UBE2E1: variants seen among roughly 807,000 people sequenced by gnomAD.
UBE2E1 encodes ubiquitin-conjugating enzyme E2 E1.
Under a neutral mutation model 21.4 loss-of-function variants are expected in UBE2E1, and 6 were observed. That is an observed-to-expected ratio of 0.28 (90% confidence interval 0.15 to 0.55). The LOEUF (loss-of-function observed/expected upper bound fraction) is 0.55. UBE2E1 is among the 20% of genes least tolerant of loss of function. The pLI is 0.93. For missense variants in UBE2E1, 142 were observed against 236.5 expected (o/e 0.60, Z 2.62); for synonymous variants, 87 against 82.7 (o/e 1.05, Z -0.28).
chr3:23,885,432 T>C (rs1319735713), intron 3 of UBE2E1, among the ~76,000 whole-genome samples: 3 of 152,214 alleles, frequency 2.0e-5, no homozygotes, highest in Admixed American at 2.0e-4. Context: ...AGTTTCTGCC[T>C]GTTTCCAGAG....
At chr3:23,845,855 T>C (rs1173304232) in intron 3 of UBE2E1, among the ~76,000 whole-genome samples, 1 of 152,234 alleles carries the variant, frequency 6.6e-6, no homozygotes, top group East Asian at 1.9e-4. Flanking sequence ...GATTTCAATT[T>C]AATAATTCAA....
At chr3:23,880,490 C>T (rs1701012997) in intron 3 of UBE2E1, among the ~76,000 whole-genome samples, 1 of 152,156 alleles carries the variant, frequency 6.6e-6, no homozygotes, top group Admixed American at 6.6e-5. Context: ...TCACTTGAGC[C>T]CAGGAAGTCA....
rs72627038 is a variant in UBE2E1, at chr3:23,861,992, A to G, written c.204-25575A>G. 3.6e-3 allele frequency among the ~76,000 whole-genome samples: 547 copies of G among 152,350 alleles called. 16 individuals are homozygous for G. In the East Asian group the frequency reaches 0.049, roughly 14 times the overall value. ...GAAGCCGCCTATGGACGGCTAAACT[A>G]AAAGAGCATCCTGTAACATATGCCC... On this transcript the variant is annotated intron_variant, in intron 3 of 5. Transcript: ENST00000306627.
intron 3 of UBE2E1, among the ~76,000 whole-genome samples, chr3:23,835,822 A>T (rs927826499): frequency 1.3e-5 from 2 of 152,236 alleles, no homozygotes; most frequent in South Asian, 4.1e-4. Flanking sequence ...TTGAGACTGC[A>T]TTAAATTTCT....
chr3:23,815,180 A>G (rs1046377811), intron 3 of UBE2E1, among the ~76,000 whole-genome samples: 1 of 151,914 alleles, frequency 6.6e-6, no homozygotes, highest in Non-Finnish European at 1.5e-5. Flanking sequence ...ACCAGGTTTT[A>G]CCTATTGGCC....
Position 23,863,069 on chromosome 3 carries a change from AAAC to A in UBE2E1, c.204-24497_204-24495del, listed in dbSNP as rs1225138014. Reference sequence around the variant, plus strand: ...CTTTGTTTGTTAAAAAAAAAAAAAAAAACTATTCCCAGCATTTTGCTCTCTAGT... The same window carrying A: ...CTTTGTTTGTTAAAAAAAAAAAAAAATATTCCCAGCATTTTGCTCTCTAGT... On this transcript the variant is annotated intron_variant, in intron 3 of 5. Coordinates refer to ENST00000306627, the MANE Select transcript of UBE2E1 (RefSeq NM_003341.5). This position sits in a 1 kb window ranked among gnomAD's most constrained non-coding sequence, Gnocchi z 4.3. 6.9e-6 allele frequency among the ~76,000 whole-genome samples: 1 copy of A among 144,192 alleles called. No homozygotes were observed. The highest frequency in any genetic ancestry group is 2.7e-5 in the African/African-American group (1 of 37,646). 94.6% of individuals were successfully genotyped at this position (144,192 alleles called of 152,430 possible). A position where few individuals can be genotyped will look rare whatever the true frequency, so the allele number is the denominator to read the frequency against.
intron 3 of UBE2E1, among the ~76,000 whole-genome samples, chr3:23,874,097 T>C (rs908022004): frequency 6.6e-6 from 1 of 152,088 alleles, no homozygotes; most frequent in Non-Finnish European, 1.5e-5. Flanking sequence ...CACCTGGAGT[T>C]TGAGATTGGC....
chr3:23,826,747 A>G (rs899858826), intron 3 of UBE2E1, among the ~76,000 whole-genome samples: 1 of 152,162 alleles, frequency 6.6e-6, no homozygotes, highest in Non-Finnish European at 1.5e-5. Flanking sequence ...GATAGCTGAA[A>G]TATTTGTTCT....
chr3:23,886,906 C>G (rs1056865746), intron 3 of UBE2E1, among the ~76,000 whole-genome samples: 5 of 152,130 alleles, frequency 3.3e-5, no homozygotes, highest in Non-Finnish European at 7.4e-5. Context: ...TTATGGTGTA[C>G]CCAAGTGTAT....
intron 3 of UBE2E1, among the ~76,000 whole-genome samples, chr3:23,872,608 T>C (rs143820775): frequency 1.7e-3 from 254 of 151,990 alleles, no homozygotes; most frequent in African/African-American, 5.7e-3. Flanking sequence ...TTAACAGTTA[T>C]GGATTTTTAC....
chr3:23,837,854 A>G (rs1700003955), intron 3 of UBE2E1, among the ~76,000 whole-genome samples: 1 of 152,200 alleles, frequency 6.6e-6, no homozygotes, highest in African/African-American at 2.4e-5. Context: ...TAGACAGGTA[A>G]TATGGAGAAC....
chr3:23,847,746 C>G (rs1387640881), intron 3 of UBE2E1, among the ~76,000 whole-genome samples: 1 of 152,004 alleles, frequency 6.6e-6, no homozygotes, highest in Admixed American at 6.6e-5. Context: ...CCACCCACCT[C>G]GGCCTCCCAA....
At chr3:23,832,604 C>T (rs1054459610) in intron 3 of UBE2E1, among the ~76,000 whole-genome samples, 1 of 152,076 alleles carries the variant, frequency 6.6e-6, no homozygotes, top group Non-Finnish European at 1.5e-5. Context: ...GAGAGAGAAT[C>T]GCTTGAACTC....
intron 5 of UBE2E1, 79 bp from the exon 6 acceptor site, chr3:23,890,430 T>C (rs1701372748): frequency 3.6e-6 from 5 of 1,378,234 alleles, no homozygotes; most frequent in Non-Finnish European, 5.0e-6. Flanking sequence ...CGTACGTATC[T>C]ACCCAAGCTG....
chr3:23,828,805 C>T (rs1352869557), intron 3 of UBE2E1, among the ~76,000 whole-genome samples: 4 of 152,212 alleles, frequency 2.6e-5, no homozygotes, highest in African/African-American at 9.6e-5. Flanking sequence ...AGTTCAATTT[C>T]ATCTAAACCT....
intron 3 of UBE2E1, among the ~76,000 whole-genome samples, chr3:23,820,305 C>G (rs1221407148): frequency 1.3e-5 from 2 of 152,196 alleles, no homozygotes; most frequent in Non-Finnish European, 2.9e-5. Flanking sequence ...AAAAGCTCAT[C>G]AAAGTCCCTG....
chr3:23,824,875 A>G (rs977738498), intron 3 of UBE2E1, among the ~76,000 whole-genome samples: 6 of 152,166 alleles, frequency 3.9e-5, no homozygotes, highest in Admixed American at 3.3e-4. Flanking sequence ...TCTTGTGGAC[A>G]GTGCTAACTT....
intron 3 of UBE2E1, among the ~76,000 whole-genome samples, chr3:23,878,085 A>G (rs191427006): frequency 1.3e-5 from 2 of 152,246 alleles, no homozygotes; most frequent in East Asian, 1.9e-4. Flanking sequence ...AAATGTCACA[A>G]CTGTGTTCTG....
chr3:23,850,357 GT>G (rs1417968494), intron 3 of UBE2E1, among the ~76,000 whole-genome samples: 2 of 151,982 alleles, frequency 1.3e-5, no homozygotes, highest in African/African-American at 2.4e-5. Context: ...TGATTTACAA[GT>G]GTTTTCTACC....
Sources: gnomAD v4.1 joint callset for allele counts (sites outside exome capture counted in the v4.1 genomes callset) on GRCh38, gnomAD v4.1.1 for gene constraint, Gnocchi (gnomAD v3.1) non-coding constraint, MANE v1.5 for transcripts, NCBI Gene and HGNC (gene_info 2026-07-23, HGNC 2026-07-21) for gene names.